Variants in KAT6B observed in about 807,000 individuals in gnomAD.
The protein encoded by KAT6B is lysine acetyltransferase 6B.
A neutral mutation model predicts 187.5 loss-of-function variants in KAT6B; 10 were observed. That is an observed-to-expected ratio of 0.05 (90% CI 0.03 to 0.09). The LOEUF is 0.09. KAT6B is among the 10% of genes least tolerant of loss of function. The pLI, the probability that KAT6B is intolerant of heterozygous loss-of-function variation, is 1.00. For synonymous variants in KAT6B, 861 were observed against 926.8 expected (o/e 0.93, Z 1.29); for missense variants, 1,952 against 2,558.9 (o/e 0.76, Z 5.12).
Position 74,843,222 on chromosome 10 carries a change from A to C in KAT6B, c.365A>C (p.Asn122Thr). The change falls in exon 3 of 18, where the codon AAT becomes ACT. Residue 122 changes from asparagine to threonine, a missense_variant. Physicochemically the swap from Asn to Thr is moderately conservative, Grantham distance 65. Around this residue, in one of 9 missense-constraint regions of KAT6B, gnomAD observed 218 missense variants for 282.6 expected, o/e 0.77. Transcript: ENST00000287239. ...GCAATTGAAGGACTTGAGGAGCCGA[A>C]TGGCTCCTCCCTGAAGAACATAGAG... ...RRAIEGLEEP[N>T]GSSLKNIEKY... 1.9e-6 allele frequency: 3 copies of C among 1,614,144 alleles called. No individual in the cohort carries two copies. Among genetic ancestry groups the C allele is most frequent in the Non-Finnish European group, 1.7e-6 (2 of 1,179,960 alleles).
At chr10:74,919,017 A>C (rs931621260) in intron 3 of KAT6B, among the ~76,000 whole-genome samples, 4 of 151,920 alleles carry the variant, frequency 2.6e-5, no homozygotes, top group African/African-American at 4.8e-5. Context: ...CAGGAGTTCA[A>C]GACCAGCCTG....
At chr10:74,848,172 G>C (rs1225092553) in intron 3 of KAT6B, among the ~76,000 whole-genome samples, 7 of 152,218 alleles carry the variant, frequency 4.6e-5, no homozygotes, top group Admixed American at 4.6e-4. Flanking sequence ...ACCCACCTCA[G>C]CCTCCCAAAG....
chr10:74,890,003 GC>G (rs1245052455), intron 3 of KAT6B, among the ~76,000 whole-genome samples: 5 of 152,054 alleles, frequency 3.3e-5, no homozygotes, highest in African/African-American at 1.2e-4. Context: ...TGCCATTTGA[GC>G]TGGTCACTGT....
intron 3 of KAT6B, among the ~76,000 whole-genome samples, chr10:74,857,228 A>C (rs1842882549): frequency 4.6e-5 from 7 of 152,246 alleles, no homozygotes; most frequent in African/African-American, 1.4e-4. Flanking sequence ...TCGGTAGGTC[A>C]GAAGTCCAAC....
In KAT6B at chr10:74,878,170, A is replaced by G. The variant is rs562238208; in HGVS notation, c.621+34692A>G. Among the ~76,000 whole-genome samples, 3 of 152,338 alleles carry G rather than the reference A, an allele frequency of 2.0e-5. No homozygotes were observed. In the South Asian group the frequency reaches 6.2e-4, roughly 32 times the overall value. ...TCTCAGATTTGCCTGTTAGGGATGCAACAGTGAGTGAGATACTATTTGTTC... is the reference window on the plus strand; with the variant it reads ...TCTCAGATTTGCCTGTTAGGGATGCGACAGTGAGTGAGATACTATTTGTTC... On this transcript the variant is annotated intron_variant, in intron 3 of 17. Coordinates refer to ENST00000287239, the MANE Select transcript of KAT6B (RefSeq NM_012330.4).
Position 74,942,765 on chromosome 10 carries a change from C to CAAAAAAAAAAAA in KAT6B, c.622-17189_622-17178dup, listed in dbSNP as rs56276008. ...AGGCAACAAGAGCGAAACTCCATCG[C>CAAAAAAAAAAAA]AAAAAAAAAAAAAAAAAAAAAAAAA... On this transcript the variant is annotated intron_variant, in intron 3 of 17. Transcript: ENST00000287239. 9.6e-4 allele frequency among the ~76,000 whole-genome samples: 9 copies of CAAAAAAAAAAAA among 9,364 alleles called. 3 individuals carry two copies. Among genetic ancestry groups the CAAAAAAAAAAAA allele is most frequent in the African/African-American group, 2.0e-3 (8 of 4,092 alleles). The allele number at this position is 9,364 out of a possible 152,430, so 6.1% of individuals were successfully genotyped here. A position where few individuals can be genotyped will look rare whatever the true frequency, so the allele number is the denominator to read the frequency against.
intron 10 of KAT6B, 133 bp downstream of exon 10, chr10:74,979,472 A>G (rs1842372428): frequency 2.8e-6 from 2 of 716,448 alleles, no homozygotes; most frequent in Non-Finnish European, 5.1e-6. Context: ...AGTGCTTCCC[A>G]AACTATTGCT....
intron 3 of KAT6B, among the ~76,000 whole-genome samples, chr10:74,917,866 G>A (rs927669867): frequency 6.6e-6 from 1 of 152,192 alleles, no homozygotes; most frequent in Admixed American, 6.5e-5. Context: ...TTGCAGACTG[G>A]CAAATCACTT....
At chr10:74,870,762 G>A (rs1203619370) in intron 3 of KAT6B, among the ~76,000 whole-genome samples, 2 of 151,680 alleles carry the variant, frequency 1.3e-5, no homozygotes, top group Non-Finnish European at 2.9e-5. Flanking sequence ...ATTTTTAGTA[G>A]AGACGGGGTT....
intron 13 of KAT6B, among the ~76,000 whole-genome samples, chr10:75,017,911 C>G (rs1452439542): frequency 6.6e-6 from 1 of 152,228 alleles, no homozygotes; most frequent in Non-Finnish European, 1.5e-5. Flanking sequence ...ATTCTGTTTT[C>G]TCTTACGTGA....
chr10:74,859,554 C>G (rs1843036878), intron 3 of KAT6B, among the ~76,000 whole-genome samples: 1 of 152,160 alleles, frequency 6.6e-6, no homozygotes, highest in Non-Finnish European at 1.5e-5. Context: ...TAACGAGCCT[C>G]TAGAATTCTT....
chr10:74,907,690 C>T (rs1221877717), intron 3 of KAT6B, among the ~76,000 whole-genome samples: 7 of 151,870 alleles, frequency 4.6e-5, no homozygotes, highest in East Asian at 1.9e-4. Flanking sequence ...CCACTATGCC[C>T]GCCTAATTTT....
At chr10:74,966,296 G>A (rs752970045) in intron 4 of KAT6B, among the ~76,000 whole-genome samples, 6 of 152,190 alleles carry the variant, frequency 3.9e-5, no homozygotes, top group South Asian at 2.1e-4. Context: ...GATCAATCAT[G>A]CCCACTCAGA....
chr10:74,913,717 G>C (rs1847421462), intron 3 of KAT6B, among the ~76,000 whole-genome samples: 1 of 152,240 alleles, frequency 6.6e-6, no homozygotes, highest in South Asian at 2.1e-4. Flanking sequence ...AAGAAAACTT[G>C]TGTGCCCACG....
intron 13 of KAT6B, among the ~76,000 whole-genome samples, chr10:75,009,868 G>A (rs562376293): frequency 2.5e-4 from 38 of 152,296 alleles, no homozygotes; most frequent in Admixed American, 1.8e-3. Context: ...AGGCGTGGTG[G>A]TGCATGCCTG....
Position 74,960,011 on chromosome 10 carries a change from G to A in KAT6B, c.663G>A (p.Gly221=). ...DPIPICSFCL[G]TKESNREKKP... Reference sequence around the variant, plus strand: ...TTCCAATATGTAGCTTCTGTTTGGGGACTAAAGAATCAAATCGTGAAAAGA... The same window carrying A: ...TTCCAATATGTAGCTTCTGTTTGGGAACTAAAGAATCAAATCGTGAAAAGA... Residue 221 remains glycine, a synonymous_variant, in exon 4 of 18, where the codon GGG becomes GGA. Transcript: ENST00000287239. The A allele has an allele frequency of 6.2e-7, 1 of 1,613,618 alleles. No individual in the cohort carries two copies. Among genetic ancestry groups the A allele is most frequent in the South Asian group, 1.1e-5 (1 of 91,072 alleles).
intron 3 of KAT6B, among the ~76,000 whole-genome samples, chr10:74,924,734 T>C (rs1848369528): frequency 6.6e-6 from 1 of 152,240 alleles, no homozygotes; most frequent in South Asian, 2.1e-4. Context: ...CTTCCTACTA[T>C]GCTGATTGGA....
chr10:74,980,072 T>C (rs1361769625), intron 10 of KAT6B, among the ~76,000 whole-genome samples: 2 of 152,140 alleles, frequency 1.3e-5, no homozygotes, highest in African/African-American at 4.8e-5. Context: ...GGCAGGAGAA[T>C]CACTGGAACC....
intron 13 of KAT6B, among the ~76,000 whole-genome samples, chr10:74,995,493 C>T (rs1168114876): frequency 6.6e-6 from 1 of 152,166 alleles, no homozygotes; most frequent in East Asian, 1.9e-4. Context: ...TGCAGGTCTC[C>T]AATCTCATTA....
Sources: allele counts gnomAD v4.1 joint callset (sites outside exome capture counted in the v4.1 genomes callset), GRCh38; gene constraint gnomAD v4.1.1; regional missense constraint gnomAD v4.1.1; transcripts MANE v1.5; gene names NCBI Gene and HGNC (gene_info 2026-07-23, HGNC 2026-07-21).